The following CDIPT variants were observed in gnomAD, a reference collection of about 807,000 sequenced individuals.
The protein encoded by CDIPT is PI synthase.
CDIPT carries 17 observed loss-of-function variants against 21.6 expected under a neutral mutation model. That is an observed-to-expected ratio of 0.79 (90% CI 0.54 to 1.18). The LOEUF is 1.18. CDIPT is among the 50% of genes most tolerant of loss of function. The pLI, the probability that CDIPT is intolerant of heterozygous loss-of-function variation, is 0.00. For synonymous variants in CDIPT, 119 were observed against 117.9 expected (o/e 1.01, Z -0.06); for missense variants, 254 against 284.9 (o/e 0.89, Z 0.78).
Position 29,862,629 on chromosome 16 carries a change from C to A in CDIPT, c.135G>T (p.Leu45=), listed in dbSNP as rs2067692671. Residue 45 remains leucine (L), a synonymous_variant, in exon 2 of 6, where the codon CTG becomes CTT. Transcript: ENST00000219789. The surrounding 1 kb of genome is among the most constrained non-coding windows in gnomAD (Gnocchi z 6.7). ...TASSFYLLSG[L]LDAFDGHAAR... ...CAGCGTGTCCATCGAAAGCGTCCAGCAGGCCGCTGAGCAGGTAGAAGGAGG... is the reference window on the plus strand; with the variant it reads ...CAGCGTGTCCATCGAAAGCGTCCAGAAGGCCGCTGAGCAGGTAGAAGGAGG... 1.2e-6 allele frequency: 2 copies of A among 1,606,246 alleles called. No individual in the cohort carries two copies. Among genetic ancestry groups the A allele is most frequent in the Non-Finnish European group, 1.7e-6 (2 of 1,176,324 alleles).
At position 29,859,096 on chromosome 16, in the gene CDIPT, G is replaced by T. The variant is rs895598985; in HGVS notation, c.*93C>A. 1 of 1,360,340 alleles carries T rather than the reference G, an allele frequency of 7.4e-7. No homozygotes were observed. Among genetic ancestry groups the T allele is most frequent in the Non-Finnish European group, 1.0e-6 (1 of 995,208 alleles). 84.3% of individuals were successfully genotyped at this position (1,360,340 alleles called of 1,614,324 possible). A position where few individuals can be genotyped will look rare whatever the true frequency, so the allele number is the denominator to read the frequency against. On this transcript the variant is annotated 3_prime_UTR_variant, in exon 6 of 6. Coordinates refer to ENST00000219789, the MANE Select transcript of CDIPT (RefSeq NM_006319.5). The surrounding 1 kb of genome is among the most constrained non-coding windows in gnomAD (Gnocchi z 4.5). ...AGGTAGAACAACACATGAGGAAGGC[G>T]TGAGACTGGGACCTCCTAGCAGGGG...
intron 3 of CDIPT, 138 bp downstream of exon 3, chr16:29,860,968 G>T: frequency 1.3e-6 from 1 of 785,728 alleles, no homozygotes; most frequent in Non-Finnish European, 2.0e-6. Flanking sequence ...AGGTTTGCCT[G>T]GGGTCTTTCT....
rs544144615 is a variant in CDIPT at position 29,860,904 on chromosome 16, T to C, written c.332+202A>G. On this transcript the variant is annotated intron_variant, in intron 3 of 5. Coordinates refer to ENST00000219789, the MANE Select transcript of CDIPT (RefSeq NM_006319.5). ...ATCCTAGAATACCCAGCCAGAAGAGTCCTAAGAATTGCTTAATGCAACTGT... is the reference window on the plus strand; with the variant it reads ...ATCCTAGAATACCCAGCCAGAAGAGCCCTAAGAATTGCTTAATGCAACTGT... The C allele has an allele frequency of 4.8e-6, 3 of 623,208 alleles. No homozygotes were observed. The East Asian group carries it at 8.2e-5, about 17-fold the overall frequency. The allele number at this position is 623,208 out of a possible 1,614,324, so 38.6% of individuals were successfully genotyped here.
In CDIPT at chr16:29,861,129, G is replaced by T; in HGVS notation, c.309C>A (p.Ala103=). 1 of 1,614,136 alleles carries T rather than the reference G, an allele frequency of 6.2e-7. No individual in the cohort carries two copies. Among genetic ancestry groups the T allele is most frequent in the South Asian group, 1.1e-5 (1 of 91,082 alleles). The change falls in exon 3 of 6, where the codon GCC becomes GCA. Residue 103 remains alanine (A), a synonymous_variant. Coordinates refer to ENST00000219789, the MANE Select transcript of CDIPT (RefSeq NM_006319.5). ...FFQISMSLDV[A]SHWLHLHSSV... Reference sequence around the variant, plus strand: ...ACCTGTGGAGGTGCAGCCAGTGACTGGCCACATCCAAACTCATGCTGATTT... The same window carrying T: ...ACCTGTGGAGGTGCAGCCAGTGACTTGCCACATCCAAACTCATGCTGATTT...
In CDIPT at chr16:29,862,955, G is replaced by A. The variant is rs760128175; in HGVS notation, c.-98C>T. 9.4e-6 allele frequency: 13 copies of A among 1,380,440 alleles called. No homozygotes were observed. Among genetic ancestry groups the A allele is most frequent in the Admixed American group, 8.5e-5 (5 of 58,598 alleles). The allele number at this position is 1,380,440 out of a possible 1,614,324, so 85.5% of individuals were successfully genotyped here. ...CAGCCTCCGGCCCGGCGCATCGGCC[G>A]CACCACCTGCGCCCTGGACCCCGCC... On this transcript the variant is annotated 5_prime_UTR_variant, in exon 1 of 6. Coordinates refer to ENST00000219789, the MANE Select transcript of CDIPT (RefSeq NM_006319.5). This position sits in a 1 kb window ranked among gnomAD's most constrained non-coding sequence, Gnocchi z 6.7.
At position 29,859,833 on chromosome 16, in the gene CDIPT, C is replaced by T. The variant is rs1200900313; in HGVS notation, c.415-310G>A. Among the ~76,000 whole-genome samples, 1 of 151,814 alleles carries T rather than the reference C, an allele frequency of 6.6e-6. No homozygotes were observed. The highest frequency in any genetic ancestry group is 6.6e-5 in the Admixed American group (1 of 15,202). ...CCAGCCTGGCCAACGTGGCGAAACCCCTCTCTACTAACAATACAAAAATTA... is the reference window on the plus strand; with the variant it reads ...CCAGCCTGGCCAACGTGGCGAAACCTCTCTCTACTAACAATACAAAAATTA... On this transcript the variant is annotated intron_variant, in intron 4 of 5. Coordinates refer to ENST00000219789, the MANE Select transcript of CDIPT (RefSeq NM_006319.5). The surrounding 1 kb of genome is among the most constrained non-coding windows in gnomAD (Gnocchi z 4.5).
chr16:29,863,112 C>T lies in CDIPT; in HGVS notation c.-255G>A. On this transcript the variant is annotated 5_prime_UTR_variant, in exon 1 of 6. Transcript: ENST00000219789. ...CAACCTCCCTCGCCTCTGCCAGCCC[C>T]GCAGGCGCTCCGGGCCTCCAGCTGC... 1 of 504,896 alleles carries T rather than the reference C, an allele frequency of 2.0e-6. No individual in the cohort carries two copies. The allele number at this position is 504,896 out of a possible 1,614,324, so 31.3% of individuals were successfully genotyped here.
intron 2 of CDIPT, 190 bp from the exon 3 acceptor site, chr16:29,861,449 G>C (rs1327554123): frequency 1.2e-5 from 18 of 1,537,962 alleles, no homozygotes; most frequent in Non-Finnish European, 1.6e-5. Flanking sequence ...CATGAACTGA[G>C]AAAGGCATGA....
At position 29,858,889 on chromosome 16, in the gene CDIPT, G is replaced by T; in HGVS notation, c.*300C>A. The T allele has an allele frequency of 2.8e-6, 1 of 355,666 alleles. No homozygotes were observed. Among genetic ancestry groups the T allele is most frequent in the Non-Finnish European group, 5.2e-6 (1 of 193,294 alleles). The allele number at this position is 355,666 out of a possible 1,614,324, so 22.0% of individuals were successfully genotyped here. A position where few individuals can be genotyped will look rare whatever the true frequency, so the allele number is the denominator to read the frequency against. On this transcript the variant is annotated 3_prime_UTR_variant, in exon 6 of 6. Transcript: ENST00000219789. ...CTCACACCACCTCCCTCACTCAAGC[G>T]TCCCTAGCATCTCGGACCCCAGGAC...
intron 4 of CDIPT, among the ~76,000 whole-genome samples, chr16:29,860,094 C>A (rs1479229218): frequency 2.0e-5 from 3 of 152,284 alleles, no homozygotes; most frequent in Non-Finnish European, 2.9e-5. Flanking sequence ...GCGTGTACCA[C>A]TGTGCCTGGC....
At chr16:29,861,573 T>C in intron 2 of CDIPT, 1 of 1,399,714 alleles carries the variant, frequency 7.1e-7, no homozygotes, top group Non-Finnish European at 9.7e-7. Context: ...AGCCTTACAG[T>C]TGGGTCTGGA....
Position 29,859,422 on chromosome 16 carries a change from C to A in CDIPT, c.496+20G>T. 6.2e-7 allele frequency: 1 copy of A among 1,608,132 alleles called. No homozygotes were observed. Among genetic ancestry groups the A allele is most frequent in the South Asian group, 1.1e-5 (1 of 90,528 alleles). On this transcript the variant is annotated intron_variant, in intron 5 of 5. Transcript: ENST00000219789. This position sits in a 1 kb window ranked among gnomAD's most constrained non-coding sequence, Gnocchi z 4.5. ...GCCAGATCCCCCTCCCATCCTCCTG[C>A]CCAGCCCCTCATCTCCTACCTAAAG...
rs913853824 is a variant in CDIPT at position 29,861,578 on chromosome 16, T to C, written c.179-319A>G. On this transcript the variant is annotated intron_variant, in intron 2 of 5. Coordinates refer to ENST00000219789, the MANE Select transcript of CDIPT (RefSeq NM_006319.5). ...CCTCAGGGGAAGCCTTACAGTTGGG[T>C]CTGGAGAACAGATTAAAAAATTAGT... 44 of 1,343,076 alleles carry C rather than the reference T, an allele frequency of 3.3e-5. No individual in the cohort carries two copies. The African/African-American group carries it at 5.3e-4, about 16-fold the overall frequency. 83.2% of individuals were successfully genotyped at this position (1,343,076 alleles called of 1,614,324 possible).
Position 29,862,759 on chromosome 16 carries a change from A to G in CDIPT, c.44-39T>C. The G allele has an allele frequency of 1.2e-6, 2 of 1,613,602 alleles. No individual in the cohort carries two copies. Among genetic ancestry groups the G allele is most frequent in the Non-Finnish European group, 8.5e-7 (1 of 1,179,718 alleles). ...GCGGGGAGACAGGGCAGGATCAGGG[A>G]GCCCGCCAAGGCCCCTCGCCCTCTC... On this transcript the variant is annotated intron_variant, in intron 1 of 5. Transcript: ENST00000219789. The surrounding 1 kb of genome is among the most constrained non-coding windows in gnomAD (Gnocchi z 6.7).
intron 3 of CDIPT, 47 bp downstream of exon 3, chr16:29,861,059 C>A: frequency 6.2e-7 from 1 of 1,600,992 alleles, no homozygotes; most frequent in Non-Finnish European, 8.6e-7. Flanking sequence ...CAGCCCACCC[C>A]ACTGTAATGT....
At position 29,861,205 on chromosome 16, in the gene CDIPT, C is replaced by T; in HGVS notation, c.233G>A (p.Cys78Tyr). ...DMLTDRCSTM[C>Y]LLVNLALLYP... ...CAGCAGGGCCAGGTTGACCAACAGG[C>T]ACATGGTGGAGCAGCGGTCCGTCAG... Residue 78 changes from cysteine to tyrosine, a missense_variant, in exon 3 of 6, where the codon TGC becomes TAC. Coordinates refer to ENST00000219789, the MANE Select transcript of CDIPT (RefSeq NM_006319.5). 6.2e-7 allele frequency: 1 copy of T among 1,614,158 alleles called. No homozygotes were observed. Among genetic ancestry groups the T allele is most frequent in the Non-Finnish European group, 8.5e-7 (1 of 1,180,020 alleles).
rs146897772 is a variant in CDIPT, at chr16:29,859,497, C to T, written c.441G>A (p.Gly147=). The T allele has an allele frequency of 1.9e-6, 3 of 1,613,286 alleles. No homozygotes were observed. Among genetic ancestry groups the T allele is most frequent in the Non-Finnish European group, 2.5e-6 (3 of 1,179,540 alleles). The stretch of plus-strand genomic sequence containing the variant: ...AGAGGAGGCAGTAGAAGAGCTCATT[C>T]CCAGCACACAAGGTGAACAGAGCAG... ...SRPALFTLCA[G]NELFYCLLYL... is the part of the protein sequence containing the mutation. The change falls in exon 5 of 6, where the codon GGG becomes GGA. Residue 147 remains glycine (G), a synonymous_variant. Coordinates refer to ENST00000219789, the MANE Select transcript of CDIPT (RefSeq NM_006319.5). This position sits in a 1 kb window ranked among gnomAD's most constrained non-coding sequence, Gnocchi z 4.5.
intron 2 of CDIPT, chr16:29,861,598 A>C: frequency 8.7e-7 from 1 of 1,143,508 alleles, no homozygotes; most frequent in Non-Finnish European, 1.2e-6. Context: ...AGATTAAAAA[A>C]TTAGTCAACC....
At chr16:29,860,159 C>G (rs2067668255) in intron 4 of CDIPT, among the ~76,000 whole-genome samples, 1 of 152,090 alleles carries the variant, frequency 6.6e-6, no homozygotes, top group African/African-American at 2.4e-5. Context: ...CTTTGTTGCC[C>G]AGGCTGGTCT....
Sources: allele counts gnomAD v4.1 joint callset (sites outside exome capture counted in the v4.1 genomes callset), GRCh38; gene constraint gnomAD v4.1.1; non-coding constraint Gnocchi (gnomAD v3.1); transcripts MANE v1.5; gene names NCBI Gene and HGNC (gene_info 2026-07-23, HGNC 2026-07-21).